The following ACAN variants were observed in gnomAD, a reference collection of about 807,000 sequenced individuals.
ACAN encodes aggrecan core protein.
Under a neutral mutation model 169.1 loss-of-function variants are expected in ACAN, and 47 were observed. The ratio of observed to expected loss-of-function variants is 0.28; its 90% CI spans 0.22 to 0.35. The LOEUF (loss-of-function observed/expected upper bound fraction) is 0.35. ACAN is among the 10% of genes least tolerant of loss of function. ACAN has a pLI of 1.00. For synonymous variants in ACAN, 1,115 were observed against 1,112.2 expected (o/e 1.00, Z -0.05); for missense variants, 2,716 against 2,759.9 (o/e 0.98, Z 0.36).
At chr15:88,835,766 G>A (rs1292358190) in intron 1 of ACAN, among the ~76,000 whole-genome samples, 1 of 152,172 alleles carries the variant, frequency 6.6e-6, no homozygotes, top group East Asian at 1.9e-4. Flanking sequence ...GATTGGACTA[G>A]ACCCTCCCAC....
At chr15:88,831,800 C>T (rs182191437) in intron 1 of ACAN, among the ~76,000 whole-genome samples, 117 of 152,272 alleles carry the variant, frequency 7.7e-4, no homozygotes, top group African/African-American at 2.7e-3. Context: ...CAGCTTAGAC[C>T]TTCTGTGGCT....
chr15:88,849,640 G>C lies in ACAN; in HGVS notation c.1935G>C (p.Gly645=). 1 of 1,613,116 alleles carries C rather than the reference G, an allele frequency of 6.2e-7. No individual in the cohort carries two copies. The highest frequency in any genetic ancestry group is 8.5e-7 in the Non-Finnish European group (1 of 1,179,716). ...PIVTPRPACG[G]DKPGVRTVYL... is the part of the protein sequence containing the mutation. Reference sequence around the variant, plus strand: ...TCACCCCAAGGCCTGCCTGCGGTGGGGACAAGCCAGGCGTGAGAACGGTCT... The same window carrying C: ...TCACCCCAAGGCCTGCCTGCGGTGGCGACAAGCCAGGCGTGAGAACGGTCT... The change falls in exon 10 of 19, where the codon GGG becomes GGC. Residue 645 remains glycine (G), a synonymous_variant. Transcript: ENST00000560601. This position sits in a 1 kb window ranked among gnomAD's most constrained non-coding sequence, Gnocchi z 5.1.
rs759418555 is a variant in ACAN at position 88,874,727 on chromosome 15, T to C, written c.*246T>C. 29 of 569,530 alleles carry C rather than the reference T, an allele frequency of 5.1e-5. No homozygotes were observed. Among genetic ancestry groups the C allele is most frequent in the Non-Finnish European group, 5.5e-5 (17 of 309,798 alleles). The allele number at this position is 569,530 out of a possible 1,614,324, so 35.3% of individuals were successfully genotyped here. Reference sequence around the variant, plus strand: ...ACTTATTATAACCCTTGGACTGAGTTTAGAGACATTTCTTCAATTTCCCAT... The same window carrying C: ...ACTTATTATAACCCTTGGACTGAGTCTAGAGACATTTCTTCAATTTCCCAT... On this transcript the variant is annotated 3_prime_UTR_variant, in exon 19 of 19. Transcript: ENST00000560601. This position sits in a 1 kb window ranked among gnomAD's most constrained non-coding sequence, Gnocchi z 7.3.
chr15:88,804,472 C>T (rs1045325024), intron 1 of ACAN, among the ~76,000 whole-genome samples: 4 of 152,148 alleles, frequency 2.6e-5, no homozygotes, highest in African/African-American at 9.7e-5. Flanking sequence ...GAGCAGTGCC[C>T]TGAACACACG....
chr15:88,873,614 A>G lies in ACAN; in HGVS notation c.7448-228A>G. The G allele has an allele frequency of 1.8e-6, 1 of 564,622 alleles. No homozygotes were observed. Among genetic ancestry groups the G allele is most frequent in the South Asian group, 2.3e-5 (1 of 43,076 alleles). 35.0% of individuals were successfully genotyped at this position (564,622 alleles called of 1,614,324 possible). A position where few individuals can be genotyped will look rare whatever the true frequency, so the allele number is the denominator to read the frequency against. ...TCTACCTCCCTTTCATCTTCTCTTC[A>G]TCCCTTTAAAGACCACCCCGTTTGT... On this transcript the variant is annotated intron_variant, in intron 17 of 18. Transcript: ENST00000560601. The surrounding 1 kb of genome is among the most constrained non-coding windows in gnomAD (Gnocchi z 7.5).
intron 1 of ACAN, among the ~76,000 whole-genome samples, chr15:88,809,341 A>G (rs1895762980): frequency 6.6e-6 from 1 of 152,114 alleles, no homozygotes; most frequent in Non-Finnish European, 1.5e-5. Flanking sequence ...TGATGGCCAT[A>G]TGACCTAGGG....
intron 1 of ACAN, among the ~76,000 whole-genome samples, chr15:88,808,088 G>C (rs1377227120): frequency 1.3e-5 from 2 of 152,042 alleles, no homozygotes; most frequent in Non-Finnish European, 2.9e-5. Context: ...GAGGGGTGAG[G>C]GTAAGAAGGA....
At chr15:88,863,011 A>G (rs1317428307) in intron 13 of ACAN, among the ~76,000 whole-genome samples, 1 of 151,526 alleles carries the variant, frequency 6.6e-6, no homozygotes, top group Non-Finnish European at 1.5e-5. Context: ...AAAAAAAAAA[A>G]AAAAAAGAAA....
Position 88,843,884 on chromosome 15 carries a change from G to A in ACAN, c.1051+236G>A, listed in dbSNP as rs1402812374. On this transcript the variant is annotated intron_variant, in intron 6 of 18. Coordinates refer to ENST00000560601, the MANE Select transcript of ACAN (RefSeq NM_001369268.1). The surrounding 1 kb of genome is among the most constrained non-coding windows in gnomAD (Gnocchi z 4.0). ...TGTCTCATCGGATCAGCACAGACGA[G>A]GCTTAAAAACCTCCAAACTGTTTTC... Among the ~76,000 whole-genome samples the A allele has an allele frequency of 2.6e-5, 4 of 152,108 alleles. No individual in the cohort carries two copies. The highest frequency in any genetic ancestry group is 6.5e-5 in the Admixed American group (1 of 15,274).
Position 88,849,231 on chromosome 15 carries a change from C to T in ACAN, c.1733-207C>T, listed in dbSNP as rs192830641. Among the ~76,000 whole-genome samples the T allele has an allele frequency of 6.6e-6, 1 of 152,266 alleles. No homozygotes were observed. Among genetic ancestry groups the T allele is most frequent in the Non-Finnish European group, 1.5e-5 (1 of 68,016 alleles). On this transcript the variant is annotated intron_variant, in intron 9 of 18. Coordinates refer to ENST00000560601, the MANE Select transcript of ACAN (RefSeq NM_001369268.1). The surrounding 1 kb of genome is among the most constrained non-coding windows in gnomAD (Gnocchi z 5.1). ...CCGAAAGTCCTATGTACCGGGAAAC[C>T]CCAGTCCAGTACAAACCAGAGCGGT...
At position 88,849,073 on chromosome 15, in the gene ACAN, A is replaced by T. The variant is rs1170658688; in HGVS notation, c.1733-365A>T. On this transcript the variant is annotated intron_variant, in intron 9 of 18. Coordinates refer to ENST00000560601, the MANE Select transcript of ACAN (RefSeq NM_001369268.1). This position sits in a 1 kb window ranked among gnomAD's most constrained non-coding sequence, Gnocchi z 5.1. Reference sequence around the variant, plus strand: ...GGTGCAAAGGGATTGGAGGGGGCCCAGGCGAGCTGCCTCGCTTAGCCAAGG... The same window carrying T: ...GGTGCAAAGGGATTGGAGGGGGCCCTGGCGAGCTGCCTCGCTTAGCCAAGG... Among the ~76,000 whole-genome samples the T allele has an allele frequency of 1.3e-5, 2 of 152,234 alleles. No individual in the cohort carries two copies. Among genetic ancestry groups the T allele is most frequent in the Non-Finnish European group, 2.9e-5 (2 of 68,042 alleles).
In ACAN at chr15:88,857,744, C is replaced by G; in HGVS notation, c.5159C>G (p.Ser1720Cys). The change falls in exon 12 of 19, where the codon TCT becomes TGT. Residue 1720 changes from serine to cysteine, a missense_variant. By Grantham distance (112) the Ser-to-Cys change is moderately radical. Around this residue, in one of 3 missense-constraint regions of ACAN, gnomAD observed 1,389 missense variants for 1,363.7 expected, o/e 1.02. Transcript: ENST00000560601. ...GGAACTGAACTCAGTGGCCAAGCAT[C>G]TGGGTCTCCTGATGTCAGTGGGGAA... ...PSGTELSGQA[S>C]GSPDVSGEIP... 1 of 1,613,988 alleles carries G rather than the reference C, an allele frequency of 6.2e-7. No individual in the cohort carries two copies.
chr15:88,848,486 G>C (rs1396599155), intron 9 of ACAN, among the ~76,000 whole-genome samples: 1 of 152,170 alleles, frequency 6.6e-6, no homozygotes, highest in Non-Finnish European at 1.5e-5. Flanking sequence ...AGAGGCAGAG[G>C]TGCCTCAATG....
intron 4 of ACAN, 34 bp from the exon 5 acceptor site, chr15:88,841,704 CCT>C: frequency 6.2e-7 from 1 of 1,613,246 alleles, no homozygotes; most frequent in Non-Finnish European, 8.5e-7. Context: ...CCCTTTGTCC[CCT>C]GAGTGTCACA....
intron 1 of ACAN, among the ~76,000 whole-genome samples, chr15:88,804,330 C>T (rs1274016149): frequency 6.6e-6 from 1 of 152,146 alleles, no homozygotes; most frequent in Non-Finnish European, 1.5e-5. Flanking sequence ...CACAGCGGGT[C>T]CTAAGCCGAG....
At chr15:88,816,200 G>A (rs1280204151) in intron 1 of ACAN, among the ~76,000 whole-genome samples, 1 of 152,208 alleles carries the variant, frequency 6.6e-6, no homozygotes, top group Non-Finnish European at 1.5e-5. Flanking sequence ...CAAAGACCTT[G>A]TTTCCAAATA....
rs560136999 is a variant in ACAN, at chr15:88,843,578, C to T, written c.981C>T (p.Thr327=). ...NCGGNLLGVR[T]VYVHANQTGY... ...GTGGCAACCTCCTGGGCGTGAGGAC[C>T]GTCTACGTGCATGCCAACCAGACGG... Residue 327 remains threonine (T), a synonymous_variant, in exon 6 of 19, where the codon ACC becomes ACT. Coordinates refer to ENST00000560601, the MANE Select transcript of ACAN (RefSeq NM_001369268.1). This position sits in a 1 kb window ranked among gnomAD's most constrained non-coding sequence, Gnocchi z 4.0. 39 of 1,608,602 alleles carry T rather than the reference C, an allele frequency of 2.4e-5. 2 individuals carry two copies. Among genetic ancestry groups the T allele is most frequent in the South Asian group, 2.3e-4 (21 of 90,922 alleles).
chr15:88,858,296 T>C lies in ACAN; in HGVS notation c.5711T>C (p.Val1904Ala). Residue 1904 changes from valine (V) to alanine (A), a missense_variant, in exon 12 of 19, where the codon GTC becomes GCC. Val to Ala is a moderately conservative substitution (Grantham distance 64). Coordinates refer to ENST00000560601, the MANE Select transcript of ACAN (RefSeq NM_001369268.1). This position sits in a 1 kb window ranked among gnomAD's most constrained non-coding sequence, Gnocchi z 4.0. ...FSGLPSGIAEVSGESSRAEIG... is the reference protein window; with the variant it reads ...FSGLPSGIAEASGESSRAEIG... ...GGCCTACCAAGTGGCATAGCTGAGG[T>C]CAGTGGAGAATCCTCCAGAGCTGAG... 1 of 1,613,844 alleles carries C rather than the reference T, an allele frequency of 6.2e-7. No individual in the cohort carries two copies. The highest frequency in any genetic ancestry group is 8.5e-7 in the Non-Finnish European group (1 of 1,179,866).
Position 88,845,840 on chromosome 15 carries a change from G to C in ACAN, c.1387G>C (p.Val463Leu), listed in dbSNP as rs777892697. 3.4e-6 allele frequency: 5 copies of C among 1,491,046 alleles called. No homozygotes were observed. In the Admixed American group the frequency reaches 9.2e-5, roughly 27 times the overall value. The allele number at this position is 1,491,046 out of a possible 1,614,324, so 92.4% of individuals were successfully genotyped here. A position where few individuals can be genotyped will look rare whatever the true frequency, so the allele number is the denominator to read the frequency against. The change falls in exon 7 of 19, where the codon GTG becomes CTG. Residue 463 changes from valine (V) to leucine (L), a missense_variant. This residue lies in a region of ACAN where 1,283 missense variants were observed against 1,281.5 expected (regional missense o/e 1.00). Coordinates refer to ENST00000560601, the MANE Select transcript of ACAN (RefSeq NM_001369268.1). ...ATAFTSEDLV[V>L]QVTAVPGQPH... ...GGCATTCACCAGTGAGGACCTCGTC[G>C]TGCAGGTGACCGCTGTCCCTGGGCA...
Sources: allele counts gnomAD v4.1 joint callset (sites outside exome capture counted in the v4.1 genomes callset), GRCh38; gene constraint gnomAD v4.1.1; regional missense constraint gnomAD v4.1.1; non-coding constraint Gnocchi (gnomAD v3.1); transcripts MANE v1.5; gene names NCBI Gene and HGNC (gene_info 2026-07-23, HGNC 2026-07-21).